CDK11B: variants seen among roughly 807,000 people sequenced by gnomAD.
CDK11B encodes cyclin dependent kinase 11B, also known as cyclin-dependent kinase 11B.
A neutral mutation model predicts 84.0 loss-of-function variants in CDK11B; 37 were observed. That is an observed-to-expected ratio of 0.44 (90% CI 0.34 to 0.58). The LOEUF (loss-of-function observed/expected upper bound fraction) is 0.58. Among genes scored for constraint, CDK11B ranks in the 20% least tolerant of loss-of-function variants. CDK11B has a pLI of 0.02. For missense variants in CDK11B, 427 were observed against 834.0 expected, an observed-to-expected ratio of 0.51 and a Z score of 6.01; for synonymous variants, 269 against 309.8, an observed-to-expected ratio of 0.87 and a Z score of 1.38.
At chr1:1,644,923 G>A (rs1640809693) in intron 6 of CDK11B, among the ~76,000 whole-genome samples, 1 of 148,492 alleles carries the variant, frequency 6.7e-6, no homozygotes, top group East Asian at 1.9e-4. Context: ...AACCCGGGAG[G>A]CAGAGGGTGC....
intron 9 of CDK11B, 83 bp from the exon 10 acceptor site, chr1:1,641,196 A>G: frequency 6.4e-7 from 1 of 1,558,296 alleles, no homozygotes; most frequent in Middle Eastern, 1.7e-4. Flanking sequence ...GCTTCAGCTA[A>G]GCAACAAGTG....
chr1:1,656,871 TACA>T (rs1224908607), intron 2 of CDK11B, among the ~76,000 whole-genome samples: 1 of 152,122 alleles, frequency 6.6e-6, no homozygotes, highest in Non-Finnish European at 1.5e-5. Context: ...TGAAGTGCAA[TACA>T]ACAAGGTATG....
intron 2 of CDK11B, 115 bp from the exon 3 acceptor site, chr1:1,655,599 T>C: frequency 2.8e-6 from 4 of 1,408,652 alleles, no homozygotes; most frequent in African/African-American, 2.9e-5. Flanking sequence ...AACTTTCATA[T>C]ATACTCTGAA....
chr1:1,637,223 C>G, intron 14 of CDK11B, 21 bp from the exon 15 acceptor site: 1 of 1,612,022 alleles, frequency 6.2e-7, no homozygotes, highest in South Asian at 1.1e-5. Flanking sequence ...GGGAAGCTCC[C>G]ATGTGGACCT....
At chr1:1,654,216 A>G in intron 3 of CDK11B, 1 of 450,708 alleles carries the variant, frequency 2.2e-6, no homozygotes, top group Non-Finnish European at 4.4e-6. Flanking sequence ...GAAGAAAACA[A>G]ACGAGAAACA....
intron 5 of CDK11B, among the ~76,000 whole-genome samples, chr1:1,648,731 C>T (rs560097800): frequency 2.3e-4 from 35 of 152,236 alleles, no homozygotes; most frequent in African/African-American, 8.4e-4. Context: ...TCCTGGGAGT[C>T]CAGGGTCCCG....
chr1:1,648,505 T>C (rs1224009608), intron 5 of CDK11B, among the ~76,000 whole-genome samples: 4 of 148,084 alleles, frequency 2.7e-5, no homozygotes, highest in Non-Finnish European at 4.4e-5. Flanking sequence ...CCCTGGCTGC[T>C]GGCAAACATC....
intron 11 of CDK11B, among the ~76,000 whole-genome samples, chr1:1,639,555 C>G (rs778927925): frequency 2.0e-5 from 3 of 151,950 alleles, no homozygotes; most frequent in Non-Finnish European, 2.9e-5. Context: ...CTCCGTGTAC[C>G]TTGGGGCCGG....
rs1207287776 is a variant in CDK11B at position 1,652,449 on chromosome 1, T to A, written c.345A>T (p.Ser115=). 4 of 1,505,614 alleles carry A rather than the reference T, an allele frequency of 2.7e-6. No homozygotes were observed. Among genetic ancestry groups the A allele is most frequent in the Admixed American group, 2.7e-5 (1 of 37,122 alleles). 93.3% of individuals were successfully genotyped at this position (1,505,614 alleles called of 1,614,324 possible). A position where few individuals can be genotyped will look rare whatever the true frequency, so the allele number is the denominator to read the frequency against. ...TAAATGCTTCTGTACCCCCTTCTGC[T>A]GAATGGCTACGATGCCTACGTTTCT... ...RKEKRRHRSH[S]AEGGKHARVK... Residue 115 remains serine (S), a synonymous_variant, in exon 4 of 20, where the codon TCA becomes TCT. Coordinates refer to ENST00000341832, the MANE Select transcript of CDK11B (RefSeq NM_033486.3).
At chr1:1,653,710 G>A (rs181874486) in intron 3 of CDK11B, among the ~76,000 whole-genome samples, 1 of 152,110 alleles carries the variant, frequency 6.6e-6, no homozygotes, top group African/African-American at 2.4e-5. Flanking sequence ...TTGGCTGGGT[G>A]CAGTGGCTCA....
chr1:1,652,830 A>G (rs1178063888), intron 3 of CDK11B, among the ~76,000 whole-genome samples: 2 of 151,142 alleles, frequency 1.3e-5, no homozygotes, highest in Admixed American at 6.6e-5. Context: ...GGTTCATGCC[A>G]TTCTCTTGCC....
intron 3 of CDK11B, among the ~76,000 whole-genome samples, chr1:1,654,690 GCT>G (rs929727859): frequency 1.3e-5 from 2 of 148,184 alleles, no homozygotes; most frequent in South Asian, 2.1e-4. Flanking sequence ...GCGGGGTCTT[GCT>G]CTGTCGCCCA....
chr1:1,637,696 G>A, intron 13 of CDK11B, 66 bp downstream of exon 13: 1 of 1,612,984 alleles, frequency 6.2e-7, no homozygotes. Flanking sequence ...CCCGGCCCCA[G>A]GACAGCACGG....
chr1:1,636,499 T>A lies in CDK11B; in HGVS notation c.1918-18A>T. On this transcript the variant is annotated intron_variant, in intron 17 of 19. Transcript: ENST00000341832. The stretch of plus-strand genomic sequence containing the variant: ...CCCAGATCCTGAAAGACAGAGGTGC[T>A]TCAACAGCCACACCAAGTGGCCCAC... 1.2e-6 allele frequency: 2 copies of A among 1,606,462 alleles called. No individual in the cohort carries two copies. The highest frequency in any genetic ancestry group is 1.7e-6 in the Non-Finnish European group (2 of 1,176,470).
chr1:1,649,387 C>T (rs1393463149), intron 5 of CDK11B, 112 bp downstream of exon 5: 3 of 804,660 alleles, frequency 3.7e-6, no homozygotes, highest in Non-Finnish European at 6.1e-6. Flanking sequence ...AGGCGTGAGC[C>T]ACCACACCTG....
chr1:1,646,814 T>C (rs1246103708), intron 5 of CDK11B: 1 of 519,910 alleles, frequency 1.9e-6, no homozygotes, highest in Non-Finnish European at 3.9e-6. Context: ...CTGAGCAGCT[T>C]GAGTATGCCA....
At chr1:1,657,044 C>A (rs1320124892) in intron 2 of CDK11B, among the ~76,000 whole-genome samples, 1 of 151,732 alleles carries the variant, frequency 6.6e-6, no homozygotes, top group African/African-American at 2.4e-5. Flanking sequence ...AGGCAAGTTC[C>A]CACTATATTA....
intron 4 of CDK11B, among the ~76,000 whole-genome samples, chr1:1,651,837 G>C (rs1476963158): frequency 2.6e-5 from 4 of 151,988 alleles, no homozygotes; most frequent in Non-Finnish European, 5.9e-5. Context: ...ACACACGCAT[G>C]CTTTTAGCTA....
intron 3 of CDK11B, among the ~76,000 whole-genome samples, chr1:1,652,871 G>A (rs1221019875): frequency 2.0e-5 from 3 of 151,996 alleles, no homozygotes; most frequent in South Asian, 2.1e-4. Context: ...GACTACAGGC[G>A]CCCGCCGCCA....
Sources: allele counts gnomAD v4.1 joint callset (sites outside exome capture counted in the v4.1 genomes callset), GRCh38; gene constraint gnomAD v4.1.1; transcripts MANE v1.5; gene names NCBI Gene and HGNC (gene_info 2026-07-23, HGNC 2026-07-21).